The following CYP26C1 variants were observed in gnomAD, a reference collection of about 807,000 sequenced individuals.
The protein encoded by CYP26C1 is cytochrome P450 26C1.
In CYP26C1, 41 loss-of-function variants were observed where a neutral mutation model predicts 39.1. The ratio of observed to expected loss-of-function variants is 1.05; its 90% CI spans 0.82 to 1.36. CYP26C1 has a LOEUF of 1.36. CYP26C1 is among the 40% of genes most tolerant of loss of function. The pLI is 0.00. For synonymous variants in CYP26C1, 362 were observed against 350.8 expected (o/e 1.03, Z -0.36); for missense variants, 833 against 752.0 (o/e 1.11, Z -1.26).
At chr10:93,066,926 C>T (rs1846837393) in intron 5 of CYP26C1, among the ~76,000 whole-genome samples, 2 of 152,228 alleles carry the variant, frequency 1.3e-5, no homozygotes, top group Admixed American at 1.3e-4. Flanking sequence ...CTGTCTTGGT[C>T]CTTTCCAGCT....
rs959489439 is a variant in CYP26C1 at position 93,061,384 on chromosome 10, C to T, written c.121C>T (p.Arg41Trp). 3.2e-6 allele frequency: 5 copies of T among 1,566,082 alleles called. No homozygotes were observed. Among genetic ancestry groups the T allele is most frequent in the Non-Finnish European group, 3.5e-6 (4 of 1,155,654 alleles). ...CTGGACCCTCCGCTGGATGCTGAGC[C>T]GGGACCGGGCCTCCACCCTGCCTCT... is the stretch of plus-strand genomic sequence containing the variant. ...HLWTLRWMLS[R>W]DRASTLPLPK... Residue 41 changes from arginine to tryptophan, a missense_variant, in exon 1 of 6, where the codon CGG becomes TGG. Arg to Trp is a moderately radical substitution (Grantham distance 101, BLOSUM62 -3). Transcript: ENST00000651965.
At position 93,062,239 on chromosome 10, in the gene CYP26C1, G is replaced by A. The variant is rs200585238; in HGVS notation, c.429+5G>A. On this transcript the variant is annotated splice_donor_5th_base_variant and intron_variant, in intron 2 of 5. Coordinates refer to ENST00000651965, the MANE Select transcript of CYP26C1 (RefSeq NM_183374.3). ...CCGCACCGGCGGCGGCGCAAGGTGA[G>A]TGGAAACGGGAATGGACCGTAGATA... The A allele has an allele frequency of 6.8e-5, 104 of 1,520,892 alleles. 1 individual carries two copies. The Middle Eastern group carries it at 6.9e-4, about 10-fold the overall frequency. 94.2% of individuals were successfully genotyped at this position (1,520,892 alleles called of 1,614,324 possible).
intron 5 of CYP26C1, among the ~76,000 whole-genome samples, chr10:93,067,038 T>A (rs1192907200): frequency 6.6e-6 from 1 of 152,262 alleles, no homozygotes; most frequent in African/African-American, 2.4e-5. Context: ...CCTGAAAGGC[T>A]GTCGTTGCAG....
At position 93,068,656 on chromosome 10, in the gene CYP26C1, C is replaced by A. The variant is rs531070401; in HGVS notation, c.1528C>A (p.Pro510Thr). ...PVDGLRLFFH[P>T]LTPSVAGNGL... ...GGACGGGCTGCGGCTCTTTTTCCAC[C>A]CCCTCACGCCTTCGGTTGCGGGGAA... The change falls in exon 6 of 6, where the codon CCC (proline) becomes ACC (threonine). Residue 510 changes from proline (P) to threonine (T), a missense_variant. Coordinates refer to ENST00000651965, the MANE Select transcript of CYP26C1 (RefSeq NM_183374.3). The A allele has an allele frequency of 5.0e-6, 8 of 1,585,502 alleles. No individual in the cohort carries two copies. Among genetic ancestry groups the A allele is most frequent in the Non-Finnish European group, 6.9e-6 (8 of 1,163,616 alleles).
rs1846869043 is a variant in CYP26C1, at chr10:93,069,454, G to A, written c.*757G>A. ...GTCTCCAACGCTGGATTATTTTCAT[G>A]GGAGGTTGAGACATAATTAGAGAGG... On this transcript the variant is annotated 3_prime_UTR_variant, in exon 6 of 6. Transcript: ENST00000651965. The A allele has an allele frequency of 6.6e-6, 1 of 152,288 alleles. No homozygotes were observed. The highest frequency in any genetic ancestry group is 6.5e-5 in the Admixed American group (1 of 15,292). The allele number at this position is 152,288 out of a possible 1,614,324, so 9.4% of individuals were successfully genotyped here.
In CYP26C1 at chr10:93,060,989, G is replaced by A. The variant is rs1272446570; in HGVS notation, c.-275G>A. ...CGAGGCAGCAGGCACCTTCGAGAGG[G>A]ACTGGCATTTGGGCCCAGGAGCCAG... On this transcript the variant is annotated 5_prime_UTR_variant, in exon 1 of 6. Transcript: ENST00000651965. 2.9e-5 allele frequency: 14 copies of A among 483,138 alleles called. No homozygotes were observed. Among genetic ancestry groups the A allele is most frequent in the Non-Finnish European group, 5.1e-5 (14 of 276,842 alleles). 29.9% of individuals were successfully genotyped at this position (483,138 alleles called of 1,614,324 possible).
chr10:93,066,744 G>C (rs1214343242), intron 5 of CYP26C1, among the ~76,000 whole-genome samples: 1 of 152,194 alleles, frequency 6.6e-6, no homozygotes, highest in Non-Finnish European at 1.5e-5. Flanking sequence ...CAGGGTTCTG[G>C]CTGGGGCCAG....
chr10:93,062,775 AG>A lies in CYP26C1; in HGVS notation c.490del (p.Ala164ArgfsTer106). ...CTGGAGCGCTACGTGCCGCGCCTGC[AG>A]GGGGCGCTGCGGCATGAGGTGCGCT... is the stretch of plus-strand genomic sequence containing the variant. ...AALERYVPRL[Q>X]GALRHEVRSW... is the part of the protein sequence containing the mutation. On this transcript the variant is annotated frameshift_variant, in exon 3 of 6. Transcript: ENST00000651965. LOFTEE classifies it high-confidence loss of function. 6.6e-7 allele frequency: 1 copy of A among 1,518,310 alleles called. No individual in the cohort carries two copies. The highest frequency in any genetic ancestry group is 2.0e-5 in the Admixed American group (1 of 49,070). 94.1% of individuals were successfully genotyped at this position (1,518,310 alleles called of 1,614,324 possible). A position where few individuals can be genotyped will look rare whatever the true frequency, so the allele number is the denominator to read the frequency against.
chr10:93,064,689 G>A (rs1037716851), intron 4 of CYP26C1, 153 bp downstream of exon 4: 2 of 1,411,806 alleles, frequency 1.4e-6, no homozygotes, highest in Non-Finnish European at 1.8e-6. Flanking sequence ...CTGGGTTCCA[G>A]TAATGACTCA....
Position 93,064,048 on chromosome 10 carries a change from G to A in CYP26C1, c.706-333G>A, listed in dbSNP as rs185038791. The A allele has an allele frequency of 4.7e-5, 52 of 1,111,700 alleles. No individual in the cohort carries two copies. In the African/African-American group the frequency reaches 7.0e-4, roughly 15 times the overall value. The allele number at this position is 1,111,700 out of a possible 1,614,324, so 68.9% of individuals were successfully genotyped here. A position where few individuals can be genotyped will look rare whatever the true frequency, so the allele number is the denominator to read the frequency against. ...CAATGGGCTGACCCTAGCCGCACTGGGCTCTGTGCCAGGCATGGACATGGA... is the reference window on the plus strand; with the variant it reads ...CAATGGGCTGACCCTAGCCGCACTGAGCTCTGTGCCAGGCATGGACATGGA... On this transcript the variant is annotated intron_variant, in intron 3 of 5. Transcript: ENST00000651965.
chr10:93,068,211 C>G, intron 5 of CYP26C1, 109 bp from the exon 6 acceptor site: 1 of 1,333,928 alleles, frequency 7.5e-7, no homozygotes, highest in South Asian at 2.0e-5. Context: ...ATCGCGGATT[C>G]CTCCTGGTTT....
intron 4 of CYP26C1, among the ~76,000 whole-genome samples, chr10:93,065,684 T>G (rs1846815485): frequency 1.3e-5 from 2 of 152,084 alleles, no homozygotes; most frequent in Non-Finnish European, 2.9e-5. Flanking sequence ...GTGCTTAGAG[T>G]AAGTTCCCGC....
At chr10:93,066,324 TCCTGCCG>T (rs76924069) in intron 5 of CYP26C1, 39 bp downstream of exon 5, 615,273 of 1,232,054 alleles carry the variant, frequency 0.5, 161,446 homozygotes, top group Admixed American at 0.53. Context: ...GCCTCCTGCC[TCCTGCCG>T]CCTGCCGCCT....
chr10:93,063,007 C>T lies in CYP26C1; in HGVS notation c.705+12C>T, dbSNP rs750806761. 7 of 1,544,794 alleles carry T rather than the reference C, an allele frequency of 4.5e-6. No individual in the cohort carries two copies. The African/African-American group carries it at 8.4e-5, about 19-fold the overall frequency. On this transcript the variant is annotated intron_variant, in intron 3 of 5. Transcript: ENST00000651965. ...GTGGCCTACGCAAGGTACGGCCGCC[C>T]CGGCTCCAGACCTTCCTCCGAGGCT...
intron 2 of CYP26C1, 43 bp from the exon 3 acceptor site, chr10:93,062,677 G>A: frequency 7.2e-7 from 1 of 1,382,000 alleles, no homozygotes; most frequent in South Asian, 1.7e-5. Flanking sequence ...CCAAGCAGAT[G>A]AGGCCAGACC....
chr10:93,062,488 G>A (rs1846764371), intron 2 of CYP26C1, among the ~76,000 whole-genome samples: 1 of 152,244 alleles, frequency 6.6e-6, no homozygotes, highest in African/African-American at 2.4e-5. Flanking sequence ...GACCTAGAAA[G>A]GGGCCAGGGA....
rs1482027578 is a variant in CYP26C1, at chr10:93,061,160, C to G, written c.-104C>G. 8.0e-7 allele frequency: 1 copy of G among 1,248,836 alleles called. No homozygotes were observed. The highest frequency in any genetic ancestry group is 1.1e-6 in the Non-Finnish European group (1 of 906,794). 77.4% of individuals were successfully genotyped at this position (1,248,836 alleles called of 1,614,324 possible). A position where few individuals can be genotyped will look rare whatever the true frequency, so the allele number is the denominator to read the frequency against. ...CGGGCTTTGCCCCCAAACCCCAGGC[C>G]TTTTGCGGACGGAACAGGTGAGCAC... On this transcript the variant is annotated 5_prime_UTR_variant, in exon 1 of 6. Coordinates refer to ENST00000651965, the MANE Select transcript of CYP26C1 (RefSeq NM_183374.3).
rs1194203825 is a variant in CYP26C1 at position 93,064,415 on chromosome 10, T to C, written c.740T>C (p.Leu247Pro). The change falls in exon 4 of 6, where the codon CTG becomes CCG. Residue 247 changes from leucine to proline, a missense_variant. Physicochemically the swap from Leu to Pro is moderately conservative, Grantham distance 98. Coordinates refer to ENST00000651965, the MANE Select transcript of CYP26C1 (RefSeq NM_183374.3). ...IRARDQLHRHLEGAISEKLHE... is the reference protein window; with the variant it reads ...IRARDQLHRHPEGAISEKLHE... ...GCAAGGGACCAGCTGCATCGGCACC[T>C]GGAGGGGGCCATTTCTGAGAAGCTT... The C allele has an allele frequency of 1.2e-6, 2 of 1,614,114 alleles. No individual in the cohort carries two copies. Among genetic ancestry groups the C allele is most frequent in the Admixed American group, 1.7e-5 (1 of 60,020 alleles).
chr10:93,064,059 A>G, intron 3 of CYP26C1: 1 of 1,131,036 alleles, frequency 8.8e-7, no homozygotes, highest in Non-Finnish European at 1.1e-6. Flanking sequence ...GCTCTGTGCC[A>G]GGCATGGACA....
Sources: allele counts gnomAD v4.1 joint callset (sites outside exome capture counted in the v4.1 genomes callset), GRCh38; gene constraint gnomAD v4.1.1; transcripts MANE v1.5; gene names NCBI Gene and HGNC (gene_info 2026-07-23, HGNC 2026-07-21).